ZNF678: variants seen among roughly 807,000 people sequenced by gnomAD.
ZNF678 encodes the protein hypothetical protein MGC42493.
Under a neutral mutation model 3.0 loss-of-function variants are expected in ZNF678, and 5 were observed. That is an observed-to-expected ratio of 1.69 (90% confidence interval 0.88 to 3.56). The LOEUF (loss-of-function observed/expected upper bound fraction) is 3.56, where lower values mean the gene tolerates loss of function less well. ZNF678 is among the 30% of genes most tolerant of loss of function. The pLI is 0.00. For synonymous variants in ZNF678, 218 were observed against 199.6 expected, an observed-to-expected ratio of 1.09 and a Z score of -0.78; for missense variants, 593 against 605.0, an observed-to-expected ratio of 0.98 and a Z score of 0.21.
At chr1:227,645,467 G>C (rs949223504) in intron 1 of ZNF678, among the ~76,000 whole-genome samples, 1 of 152,108 alleles carries the variant, frequency 6.6e-6, no homozygotes, top group Non-Finnish European at 1.5e-5. Flanking sequence ...TCTTATGATA[G>C]TCAGGGGGCT....
intron 1 of ZNF678, among the ~76,000 whole-genome samples, chr1:227,601,088 T>G (rs1657726044): frequency 6.6e-6 from 1 of 152,200 alleles, no homozygotes; most frequent in Admixed American, 6.5e-5. Flanking sequence ...TGTGGGTGTC[T>G]GGGCTCTCTA....
intron 1 of ZNF678, among the ~76,000 whole-genome samples, chr1:227,566,528 T>A (rs545316395): frequency 6.6e-6 from 1 of 152,278 alleles, no homozygotes; most frequent in East Asian, 1.9e-4. Flanking sequence ...AGTGAGCACT[T>A]CAGTGAGCAG....
Position 227,662,244 on chromosome 1 carries a change from G to C in ZNF678, c.*6416G>C, listed in dbSNP as rs1288472304. ...AAAAACATCCTCATTGTAGAGATGA[G>C]AAAACACAGGCTTTTGCACATCCAA... On this transcript the variant is annotated 3_prime_UTR_variant, in exon 4 of 4. Transcript: ENST00000343776. The C allele has an allele frequency of 6.6e-6, 1 of 152,172 alleles. No individual in the cohort carries two copies. Among genetic ancestry groups the C allele is most frequent in the Non-Finnish European group, 1.5e-5 (1 of 68,046 alleles). The allele number at this position is 152,172 out of a possible 1,614,324, so 9.4% of individuals were successfully genotyped here.
exon 6 of ZNF678, chr1:227,677,182 A>G (rs544095331): frequency 6.6e-6 from 1 of 152,326 alleles, no homozygotes; most frequent in East Asian, 1.9e-4. Flanking sequence ...CTCTTAGGTT[A>G]AAAGGACTAC....
chr1:227,590,490 G>T (rs2088214), intron 1 of ZNF678, among the ~76,000 whole-genome samples: 2 of 151,542 alleles, frequency 1.3e-5, no homozygotes, highest in East Asian at 1.9e-4. Flanking sequence ...AATGGGGGTT[G>T]GGTATCCCCA....
intron 1 of ZNF678, among the ~76,000 whole-genome samples, chr1:227,591,312 A>C (rs1469307745): frequency 6.6e-6 from 1 of 152,118 alleles, no homozygotes; most frequent in East Asian, 1.9e-4. Context: ...GGTTACACTG[A>C]CCACTGGTAC....
At chr1:227,648,489 A>T (rs1659011713) in intron 2 of ZNF678, among the ~76,000 whole-genome samples, 1 of 152,220 alleles carries the variant, frequency 6.6e-6, no homozygotes, top group Non-Finnish European at 1.5e-5. Context: ...AGCATACAAG[A>T]CATTATTATT....
At chr1:227,601,441 T>C (rs982200799) in intron 1 of ZNF678, among the ~76,000 whole-genome samples, 2 of 152,072 alleles carry the variant, frequency 1.3e-5, no homozygotes, top group Non-Finnish European at 2.9e-5. Context: ...ATTGTAGAGC[T>C]CTTTGACCTT....
intron 1 of ZNF678, among the ~76,000 whole-genome samples, chr1:227,639,248 G>C (rs1658757830): frequency 1.3e-5 from 2 of 152,244 alleles, no homozygotes; most frequent in Non-Finnish European, 2.9e-5. Context: ...GCCAGGTGGA[G>C]GTGGATTGCT....
intron 1 of ZNF678, among the ~76,000 whole-genome samples, chr1:227,600,072 G>C (rs1657697687): frequency 6.6e-6 from 1 of 151,970 alleles, no homozygotes; most frequent in African/African-American, 2.4e-5. Flanking sequence ...TTGGTTTTCT[G>C]TTCCTGCATT....
At chr1:227,579,814 T>C (rs1159144604) in intron 1 of ZNF678, among the ~76,000 whole-genome samples, 2 of 152,158 alleles carry the variant, frequency 1.3e-5, no homozygotes, top group African/African-American at 2.4e-5. Context: ...AAGACAGCCC[T>C]GTGGAGATCA....
intron 5 of ZNF678, among the ~76,000 whole-genome samples, chr1:227,675,019 T>A (rs199960165): frequency 6.6e-6 from 1 of 152,262 alleles, no homozygotes; most frequent in East Asian, 1.9e-4. Context: ...TAATAAGAAG[T>A]ATATGTTGAA....
chr1:227,564,097 G>C (rs970385781), intron 1 of ZNF678, among the ~76,000 whole-genome samples: 7 of 152,254 alleles, frequency 4.6e-5, no homozygotes, highest in African/African-American at 1.7e-4. Flanking sequence ...AAGCTTTGAA[G>C]AGTTTGAGGA....
At position 227,563,571 on chromosome 1, in the gene ZNF678, C is replaced by T; in HGVS notation, c.-317C>T. 1.3e-6 allele frequency: 1 copy of T among 781,122 alleles called. No individual in the cohort carries two copies. Among genetic ancestry groups the T allele is most frequent in the South Asian group, 1.4e-5 (1 of 70,600 alleles). The allele number at this position is 781,122 out of a possible 1,614,324, so 48.4% of individuals were successfully genotyped here. On this transcript the variant is annotated 5_prime_UTR_variant, in exon 1 of 4. Coordinates refer to ENST00000343776, the MANE Select transcript of ZNF678 (RefSeq NM_001367909.1). ...CTGGCGGGGCCTTTGTCTTGTGCTC[C>T]AGCTGGAGCTTTGGTCCCGTATTCT...
intron 2 of ZNF678, among the ~76,000 whole-genome samples, chr1:227,649,269 C>G (rs1263011044): frequency 6.6e-6 from 1 of 152,062 alleles, no homozygotes; most frequent in Non-Finnish European, 1.5e-5. Context: ...TTTCTAAGAG[C>G]CTTCATACTA....
intron 3 of ZNF678, among the ~76,000 whole-genome samples, chr1:227,653,292 T>C (rs1208281927): frequency 6.6e-6 from 1 of 152,006 alleles, no homozygotes; most frequent in East Asian, 1.9e-4. Flanking sequence ...TGTATAAACA[T>C]TTCTGTTATT....
chr1:227,605,876 A>G (rs1324016816), intron 1 of ZNF678, among the ~76,000 whole-genome samples: 2 of 152,258 alleles, frequency 1.3e-5, no homozygotes, highest in Non-Finnish European at 2.9e-5. Context: ...CAAATTGGGG[A>G]AACTTGTGGA....
chr1:227,593,346 C>T (rs1257843481), intron 1 of ZNF678, among the ~76,000 whole-genome samples: 1 of 152,188 alleles, frequency 6.6e-6, no homozygotes, highest in Non-Finnish European at 1.5e-5. Context: ...TGTTTTAAGT[C>T]TTTAACTTCG....
At chr1:227,569,200 G>C (rs1277332605) in intron 1 of ZNF678, among the ~76,000 whole-genome samples, 1 of 152,194 alleles carries the variant, frequency 6.6e-6, no homozygotes, top group Non-Finnish European at 1.5e-5. Flanking sequence ...ATGTTGTCCA[G>C]ACTGGTCTTG....
Sources: gnomAD v4.1 joint callset for allele counts (sites outside exome capture counted in the v4.1 genomes callset) on GRCh38, gnomAD v4.1.1 for gene constraint, MANE v1.5 for transcripts, NCBI Gene and HGNC (gene_info 2026-07-23, HGNC 2026-07-21) for gene names.